SLC22A23: variants seen among roughly 807,000 people sequenced by gnomAD.
SLC22A23 encodes the protein solute carrier family 22 member 23.
In SLC22A23, 26 loss-of-function variants were observed where a neutral mutation model predicts 61.0. The observed-to-expected ratio is 0.43, with a 90% CI of 0.31 to 0.59. SLC22A23 has a LOEUF of 0.59. SLC22A23 is among the 20% of genes least tolerant of loss of function. The pLI is 0.11. For synonymous variants in SLC22A23, 430 were observed against 413.9 expected, an observed-to-expected ratio of 1.04 and a Z score of -0.47; for missense variants, 796 against 934.7, an observed-to-expected ratio of 0.85 and a Z score of 1.94.
Position 3,414,837 on chromosome 6 carries a change from G to A in SLC22A23, c.758+915C>T, listed in dbSNP as rs1216211186. ...GCTACTTGAAAAACCTGTCAACATT[G>A]TGCAACTGCCTCCCTGCTTAGACAC... On this transcript the variant is annotated intron_variant, in intron 2 of 9. Transcript: ENST00000406686. This position sits in a 1 kb window ranked among gnomAD's most constrained non-coding sequence, Gnocchi z 5.1. Among the ~76,000 whole-genome samples the A allele has an allele frequency of 6.6e-6, 1 of 151,026 alleles. No individual in the cohort carries two copies. The highest frequency in any genetic ancestry group is 1.5e-5 in the Non-Finnish European group (1 of 67,868).
Position 3,289,822 on chromosome 6 carries a change from C to A in SLC22A23, c.1255G>T (p.Val419Leu). 1.2e-6 allele frequency: 2 copies of A among 1,614,054 alleles called. No homozygotes were observed. The highest frequency in any genetic ancestry group is 1.7e-6 in the Non-Finnish European group (2 of 1,180,032). The change falls in exon 6 of 10, where the codon GTG becomes TTG. Residue 419 changes from valine to leucine, a missense_variant. Physicochemically the swap from Val to Leu is conservative, Grantham distance 32. Transcript: ENST00000406686. ...AGGTTCCGTGTCCCCACCACCTTCA[C>A]GATGCAGACCTTCTTGGGCCTCCGG... ...LSRRPKKVCI[V>L]KVVGTRNLWK...
chr6:3,456,025 C>T lies in SLC22A23; in HGVS notation c.535G>A (p.Gly179Arg), dbSNP rs760752872. ...GNRSNSSGAD[G>R]GDTPPLPSPP... ...GATGGCAGGGGTGGTGTGTCGCCTC[C>T]GTCCGCGCCGCTGCTGTTGCTCCGG... The change falls in exon 1 of 10, where the codon GGA becomes AGA. Residue 179 changes from glycine (G) to arginine (R), a missense_variant. Coordinates refer to ENST00000406686, the MANE Select transcript of SLC22A23 (RefSeq NM_015482.2). This position sits in a 1 kb window ranked among gnomAD's most constrained non-coding sequence, Gnocchi z 7.1. The T allele has an allele frequency of 5.8e-6, 9 of 1,547,102 alleles. No homozygotes were observed. The highest frequency in any genetic ancestry group is 7.8e-6 in the Non-Finnish European group (9 of 1,146,818).
intron 3 of SLC22A23, among the ~76,000 whole-genome samples, chr6:3,335,313 G>C (rs1441911658): frequency 6.6e-6 from 1 of 152,188 alleles, no homozygotes; most frequent in Non-Finnish European, 1.5e-5. Context: ...ATGCCATCTT[G>C]CTCTGGTGCC....
chr6:3,367,485 C>A (rs1045983925), intron 3 of SLC22A23, among the ~76,000 whole-genome samples: 2 of 152,200 alleles, frequency 1.3e-5, no homozygotes, highest in Admixed American at 6.5e-5. Flanking sequence ...TTCTGCAGTA[C>A]CTGTATCTCA....
At chr6:3,351,947 C>A (rs1764794068) in intron 3 of SLC22A23, among the ~76,000 whole-genome samples, 1 of 152,230 alleles carries the variant, frequency 6.6e-6, no homozygotes, top group Non-Finnish European at 1.5e-5. Flanking sequence ...CTAGGCCACA[C>A]CAAACAGGAG....
At position 3,329,712 on chromosome 6, in the gene SLC22A23, G is replaced by A. The variant is rs538877867; in HGVS notation, c.914-5710C>T. 7.9e-5 allele frequency among the ~76,000 whole-genome samples: 12 copies of A among 152,276 alleles called. No individual in the cohort carries two copies. The South Asian group carries it at 2.3e-3, about 29-fold the overall frequency. ...GTGGTCATGAGAAAACGACACTCAC[G>A]AAGCACTCGAGCGCACCTGGCTCAT... On this transcript the variant is annotated intron_variant, in intron 3 of 9. Transcript: ENST00000406686. The surrounding 1 kb of genome is among the most constrained non-coding windows in gnomAD (Gnocchi z 4.8).
chr6:3,341,345 C>T (rs1484706190), intron 3 of SLC22A23, among the ~76,000 whole-genome samples: 1 of 152,170 alleles, frequency 6.6e-6, no homozygotes, highest in African/African-American at 2.4e-5. Flanking sequence ...AAAAGCCTAA[C>T]TTTTATACAG....
rs1295309109 is a variant in SLC22A23, at chr6:3,298,189, AT to A, written c.1111del (p.Met371TrpfsTer12). On this transcript the variant is annotated frameshift_variant, in exon 5 of 10. Coordinates refer to ENST00000406686, the MANE Select transcript of SLC22A23 (RefSeq NM_015482.2). LOFTEE classifies it high-confidence loss of function. ...SIFPESLRWLMATQQFESAKR... is the reference protein window; with the variant it reads ...SIFPESLRWLXATQQFESAKR... The stretch of plus-strand genomic sequence containing the variant: ...TGCAGACTCAAACTGCTGGGTGGCC[AT>A]TAGCCACCGGAGGGACTCGGGGAAT... 6 of 1,592,736 alleles carry A rather than the reference AT, an allele frequency of 3.8e-6. No homozygotes were observed. Among genetic ancestry groups the A allele is most frequent in the Non-Finnish European group, 5.1e-6 (6 of 1,172,444 alleles).
At chr6:3,340,367 G>A (rs879292398) in intron 3 of SLC22A23, among the ~76,000 whole-genome samples, 3 of 152,166 alleles carry the variant, frequency 2.0e-5, no homozygotes, top group East Asian at 1.9e-4. Context: ...CAAACAGCAC[G>A]TTAGTATAAT....
At chr6:3,374,112 T>C (rs541527733) in intron 3 of SLC22A23, among the ~76,000 whole-genome samples, 14 of 152,342 alleles carry the variant, frequency 9.2e-5, no homozygotes, top group African/African-American at 1.2e-4. Context: ...TCTCTGGACA[T>C]AGAGAGAGGT....
rs9503514 is a variant in SLC22A23, at chr6:3,271,469, A to G, written c.*1586T>C. 0.09 allele frequency: 13,722 copies of G among 152,520 alleles called. 724 individuals carry two copies. Among genetic ancestry groups the G allele is most frequent in the Middle Eastern group, 0.17 (51 of 294 alleles). 9.4% of individuals were successfully genotyped at this position (152,520 alleles called of 1,614,324 possible). ...CAAGCAGCAGGCCGGGTGGAAAGCC[A>G]GAAGGGGAGAAGGTCAACCCCTTTT... On this transcript the variant is annotated 3_prime_UTR_variant, in exon 10 of 10. Coordinates refer to ENST00000406686, the MANE Select transcript of SLC22A23 (RefSeq NM_015482.2).
intron 3 of SLC22A23, among the ~76,000 whole-genome samples, chr6:3,376,286 T>C (rs897276167): frequency 1.3e-5 from 2 of 152,184 alleles, no homozygotes; most frequent in African/African-American, 4.8e-5. Flanking sequence ...CATCTGCCCA[T>C]TGCTGTGCCC....
At chr6:3,310,738 T>C (rs1441841922) in intron 4 of SLC22A23, among the ~76,000 whole-genome samples, 2 of 152,224 alleles carry the variant, frequency 1.3e-5, no homozygotes, top group Non-Finnish European at 2.9e-5. Flanking sequence ...GAGACTGACA[T>C]AGACAAGTGT....
intron 9 of SLC22A23, among the ~76,000 whole-genome samples, chr6:3,279,120 A>T (rs1286940302): frequency 1.3e-5 from 2 of 152,254 alleles, no homozygotes; most frequent in Non-Finnish European, 2.9e-5. Context: ...GTATATGTAT[A>T]TACATAATAT....
chr6:3,313,072 C>A (rs1762452997), intron 4 of SLC22A23: 1 of 152,178 alleles, frequency 6.6e-6, no homozygotes, highest in Admixed American at 6.5e-5. Flanking sequence ...TTCCCCCTTG[C>A]AGGAGTCTCT....
chr6:3,273,797 G>A (rs1250859022), intron 9 of SLC22A23, among the ~76,000 whole-genome samples: 2 of 152,186 alleles, frequency 1.3e-5, no homozygotes, highest in African/African-American at 4.8e-5. Context: ...AAACAAAAGG[G>A]ATTGAAATTA....
At position 3,333,309 on chromosome 6, in the gene SLC22A23, A is replaced by G. The variant is rs1310477566; in HGVS notation, c.914-9307T>C. ...CGGTCAGTTCAGAAGAGGCAGCATC[A>G]TAAAATCACAATCACTCTGGGTGAT... On this transcript the variant is annotated intron_variant, in intron 3 of 9. Coordinates refer to ENST00000406686, the MANE Select transcript of SLC22A23 (RefSeq NM_015482.2). The surrounding 1 kb of genome is among the most constrained non-coding windows in gnomAD (Gnocchi z 4.1). 6.6e-6 allele frequency among the ~76,000 whole-genome samples: 1 copy of G among 152,192 alleles called. No homozygotes were observed. The highest frequency in any genetic ancestry group is 1.5e-5 in the Non-Finnish European group (1 of 68,026).
chr6:3,280,605 C>T, intron 9 of SLC22A23, among the ~76,000 whole-genome samples: 1 of 149,232 alleles, frequency 6.7e-6, no homozygotes, highest in Non-Finnish European at 1.5e-5. Context: ...ACGCCATTCT[C>T]CTGCCTCAGC....
rs1160786535 is a variant in SLC22A23 at position 3,390,555 on chromosome 6, T to G, written c.913+19633A>C. 6.6e-6 allele frequency among the ~76,000 whole-genome samples: 1 copy of G among 151,978 alleles called. No individual in the cohort carries two copies. Among genetic ancestry groups the G allele is most frequent in the Non-Finnish European group, 1.5e-5 (1 of 68,000 alleles). ...CTCTAGTGCTCCCCGGGGCCTAGAG[T>G]TCTGAGGTACACTTCGGGTTCACTT... is the stretch of plus-strand genomic sequence containing the variant. On this transcript the variant is annotated intron_variant, in intron 3 of 9. Coordinates refer to ENST00000406686, the MANE Select transcript of SLC22A23 (RefSeq NM_015482.2). This position sits in a 1 kb window ranked among gnomAD's most constrained non-coding sequence, Gnocchi z 4.0.
Sources: gnomAD v4.1 joint callset for allele counts (sites outside exome capture counted in the v4.1 genomes callset) on GRCh38, gnomAD v4.1.1 for gene constraint, Gnocchi (gnomAD v3.1) non-coding constraint, MANE v1.5 for transcripts, NCBI Gene and HGNC (gene_info 2026-07-23, HGNC 2026-07-21) for gene names.